Variants in BRWD3 observed in about 807,000 individuals in gnomAD.
BRWD3 encodes the protein bromodomain and WD repeat domain containing 3.
BRWD3 carries 10 observed loss-of-function variants against 149.7 expected under a neutral mutation model. The ratio of observed to expected loss-of-function variants is 0.07; its 90% CI spans 0.04 to 0.11. BRWD3 has a LOEUF of 0.11. BRWD3 is among the 10% of genes least tolerant of loss of function. BRWD3 has a pLI of 1.00. For synonymous variants in BRWD3, 504 were observed against 456.7 expected (o/e 1.10, Z -1.32); for missense variants, 940 against 1,373.2 (o/e 0.68, Z 4.99).
At chrX:80,682,704 T>G in intron 37 of BRWD3, 76 bp from the exon 38 acceptor site, 1 of 969,822 alleles carries the variant, frequency 1.0e-6, no homozygotes, top group Non-Finnish European at 1.4e-6. Context: ...TAGACCAATA[T>G]TAAGCATCAT....
Position 80,691,817 on chromosome X carries a change from T to C in BRWD3, c.3481+6A>G. 8.3e-7 allele frequency: 1 copy of C among 1,210,503 alleles called. No homozygotes were observed. The highest frequency in any genetic ancestry group is 1.1e-6 in the Non-Finnish European group (1 of 895,132). The stretch of plus-strand genomic sequence containing the variant: ...TGCTCCTAAAATTTTTTCACATTCA[T>C]CATACCCAGGGAAAGAAGGTGGTTG... On this transcript the variant is annotated splice_donor_region_variant and intron_variant, in intron 30 of 40. Coordinates refer to ENST00000373275, the MANE Select transcript of BRWD3 (RefSeq NM_153252.5).
intron 25 of BRWD3, among the ~76,000 whole-genome samples, chrX:80,698,584 A>G (rs1443746380): frequency 9.1e-6 from 1 of 109,830 alleles, no homozygotes; most frequent in African/African-American, 3.3e-5. Context: ...TGGTGGGTGC[A>G]TGTAATCCCA....
intron 8 of BRWD3, among the ~76,000 whole-genome samples, chrX:80,737,637 C>T (rs1004018995): frequency 9.0e-6 from 1 of 111,651 alleles, no homozygotes; most frequent in Non-Finnish European, 1.9e-5. Flanking sequence ...GAGTTCGAAA[C>T]GAGACTGGCC....
intron 40 of BRWD3, among the ~76,000 whole-genome samples, chrX:80,680,133 A>G (rs1418061764): frequency 6.2e-5 from 7 of 112,275 alleles, no homozygotes; most frequent in Non-Finnish European, 1.3e-4. Context: ...TATAAAATAA[A>G]ATCTATATTC....
intron 40 of BRWD3, among the ~76,000 whole-genome samples, 153 bp downstream of exon 40, chrX:80,681,188 T>C (rs1053083054): frequency 2.7e-5 from 3 of 110,558 alleles, no homozygotes; most frequent in Admixed American, 1.9e-4. Context: ...CAGTTATGAA[T>C]ATGAAATGCC....
chrX:80,689,199 A>ATTTTGGAG (rs2072577981), intron 33 of BRWD3, among the ~76,000 whole-genome samples: 1 of 111,304 alleles, frequency 9.0e-6, no homozygotes. Context: ...TTTCTATCAT[A>ATTTTGGAG]ACCTCCAGTC....
chrX:80,785,248 C>T (rs1480586719), intron 6 of BRWD3, among the ~76,000 whole-genome samples: 3 of 112,071 alleles, frequency 2.7e-5, no homozygotes, highest in African/African-American at 9.7e-5. Context: ...TTTTCTTCTT[C>T]TGATTTAATT....
chrX:80,761,112 A>C (rs1190666297), intron 6 of BRWD3, among the ~76,000 whole-genome samples: 1 of 111,726 alleles, frequency 9.0e-6, no homozygotes, highest in Non-Finnish European at 1.9e-5. Context: ...CAAAGAAAAA[A>C]AAGACTCAAT....
rs1417712109 is a variant in BRWD3, at chrX:80,669,985, C to T, written c.*6624G>A. Among the ~76,000 whole-genome samples, 1 of 110,133 alleles carries T rather than the reference C, an allele frequency of 9.1e-6. No individual in the cohort carries two copies. The highest frequency in any genetic ancestry group is 1.9e-5 in the Non-Finnish European group (1 of 52,722). On this transcript the variant is annotated 3_prime_UTR_variant, in exon 41 of 41. Coordinates refer to ENST00000373275, the MANE Select transcript of BRWD3 (RefSeq NM_153252.5). ...TAAATATCAATTTGTTAATTAATAA[C>T]TGTTAAAACTAGATGTCTAGAATAA... is the stretch of plus-strand genomic sequence containing the variant.
chrX:80,793,080 T>G (rs760910269), intron 5 of BRWD3, among the ~76,000 whole-genome samples: 60 of 94,296 alleles, frequency 6.4e-4, no homozygotes, highest in African/African-American at 2.2e-3. Flanking sequence ...GAGAATTGCT[T>G]GAACCTGGGA....
chrX:80,793,282 T>C (rs1401296767), intron 5 of BRWD3, among the ~76,000 whole-genome samples: 1 of 109,431 alleles, frequency 9.1e-6, no homozygotes, highest in Non-Finnish European at 1.9e-5. Context: ...ACAATATCAT[T>C]AGGATGACAT....
rs1168489600 is a variant in BRWD3 at position 80,733,441 on chromosome X, G to A, written c.1127+15C>T. On this transcript the variant is annotated intron_variant, in intron 12 of 40. Coordinates refer to ENST00000373275, the MANE Select transcript of BRWD3 (RefSeq NM_153252.5). ...ATCAAACATTTGTTTACACAAATAT[G>A]TATTACATAATTACCTGTCTCCATT... The A allele has an allele frequency of 8.6e-7, 1 of 1,166,207 alleles. No individual in the cohort carries two copies. The highest frequency in any genetic ancestry group is 1.2e-6 in the Non-Finnish European group (1 of 856,249).
intron 4 of BRWD3, among the ~76,000 whole-genome samples, chrX:80,807,136 C>G (rs2074355892): frequency 9.0e-6 from 1 of 111,654 alleles, no homozygotes; most frequent in Non-Finnish European, 1.9e-5. Context: ...GTTTTTGCCT[C>G]TTTTAGGGGG....
rs1169422532 is a variant in BRWD3, at chrX:80,796,039, CAA to C, written c.181-2269_181-2268del. 2.7e-5 allele frequency among the ~76,000 whole-genome samples: 3 copies of C among 110,138 alleles called. No individual in the cohort carries two copies. The South Asian group carries it at 1.2e-3, about 43-fold the overall frequency. On this transcript the variant is annotated intron_variant, in intron 4 of 40. Coordinates refer to ENST00000373275, the MANE Select transcript of BRWD3 (RefSeq NM_153252.5). ...TTTTCAATGATGTATTCCTTGCACCCAAAAAAGTGTTGGGCATAAAGCAGGAC... is the reference window on the plus strand; with the variant it reads ...TTTTCAATGATGTATTCCTTGCACCCAAAAGTGTTGGGCATAAAGCAGGAC...
intron 22 of BRWD3, 38 bp downstream of exon 22, chrX:80,707,389 T>A (rs2072881988): frequency 9.2e-7 from 1 of 1,085,733 alleles, no homozygotes; most frequent in African/African-American, 1.8e-5. Flanking sequence ...ATTAAAACTG[T>A]TCAATAATTT....
At chrX:80,698,218 C>T (rs1310410705) in intron 25 of BRWD3, among the ~76,000 whole-genome samples, 1 of 111,777 alleles carries the variant, frequency 8.9e-6, no homozygotes, top group Non-Finnish European at 1.9e-5. Flanking sequence ...TTACAATAAT[C>T]ATACACATTT....
At chrX:80,800,817 TC>T (rs2074286449) in intron 4 of BRWD3, among the ~76,000 whole-genome samples, 1 of 111,140 alleles carries the variant, frequency 9.0e-6, no homozygotes, top group Non-Finnish European at 1.9e-5. Flanking sequence ...TGTTAAAACT[TC>T]CTATCACTCA....
Position 80,716,181 on chromosome X carries a change from TTTC to T in BRWD3, c.2298_2300del (p.Lys768del), listed in dbSNP as rs1602344644. 8.3e-7 allele frequency: 1 copy of T among 1,208,927 alleles called. No homozygotes were observed. Among genetic ancestry groups the T allele is most frequent in the Non-Finnish European group, 1.1e-6 (1 of 893,242 alleles). Reference sequence around the variant, plus strand: ...CCCTTTGAGTAGTGTAAGATGGCTTTTTCTTCTTTTCAACTGTATAAAGACTGA... The same window carrying T: ...CCCTTTGAGTAGTGTAAGATGGCTTTTTCTTTTCAACTGTATAAAGACTGA... On this transcript the variant is annotated inframe_deletion, in exon 20 of 41. Coordinates refer to ENST00000373275, the MANE Select transcript of BRWD3 (RefSeq NM_153252.5).
intron 4 of BRWD3, among the ~76,000 whole-genome samples, chrX:80,798,844 T>C (rs1179739944): frequency 9.0e-6 from 1 of 111,725 alleles, no homozygotes; most frequent in Non-Finnish European, 1.9e-5. Flanking sequence ...AGTTAAATTA[T>C]AGAATCTCTG....
Sources: allele counts gnomAD v4.1 joint callset (sites outside exome capture counted in the v4.1 genomes callset), GRCh38; gene constraint gnomAD v4.1.1; transcripts MANE v1.5; gene names NCBI Gene and HGNC (gene_info 2026-07-23, HGNC 2026-07-21).